Variants in TMEM178B observed in about 807,000 individuals in gnomAD.
TMEM178B encodes transmembrane protein 178B.
TMEM178B carries 5 observed loss-of-function variants against 31.0 expected under a neutral mutation model. The observed-to-expected ratio is 0.16, with a 90% CI of 0.08 to 0.34. The LOEUF (loss-of-function observed/expected upper bound fraction) is 0.34, where lower values mean the gene tolerates loss of function less well. TMEM178B is among the 10% of genes least tolerant of loss of function. The pLI, the probability that TMEM178B is intolerant of heterozygous loss-of-function variation, is 1.00. For missense variants in TMEM178B, 275 were observed against 400.3 expected (o/e 0.69, Z 2.67); for synonymous variants, 164 against 164.0 (o/e 1.00, Z 0.00).
At chr7:141,482,926 G>T (rs1222427314), downstream of TMEM178B, among the ~76,000 whole-genome samples, 1 of 146,104 alleles carries the variant, frequency 6.8e-6, no homozygotes, top group Non-Finnish European at 1.5e-5. Context: ...GGGGGGCGGT[G>T]GGGGGGTGGT....
chr7:141,188,880 A>T (rs1189703025), intron 1 of TMEM178B, among the ~76,000 whole-genome samples: 1 of 152,236 alleles, frequency 6.6e-6, no homozygotes, highest in African/African-American at 2.4e-5. Context: ...AACCCTGAAA[A>T]GAGCCAGCGT....
At chr7:141,172,094 A>C (rs1358186800) in intron 1 of TMEM178B, among the ~76,000 whole-genome samples, 1 of 152,200 alleles carries the variant, frequency 6.6e-6, no homozygotes, top group Non-Finnish European at 1.5e-5. Flanking sequence ...AGATGAGGAA[A>C]CTGAGGCATA....
chr7:141,416,589 A>C (rs1186541854), intron 2 of TMEM178B, among the ~76,000 whole-genome samples: 2 of 152,248 alleles, frequency 1.3e-5, no homozygotes, highest in African/African-American at 4.8e-5. Flanking sequence ...CTTGGAGGTA[A>C]ATCAAACACA....
At chr7:141,416,069 G>A (rs1801090393) in intron 2 of TMEM178B, 1 of 152,708 alleles carries the variant, frequency 6.5e-6, no homozygotes, top group Admixed American at 6.5e-5. Flanking sequence ...GAGCCAGAAG[G>A]AGCCAGGTTT....
At chr7:141,100,168 T>A (rs367690413) in intron 1 of TMEM178B, among the ~76,000 whole-genome samples, 52 of 152,124 alleles carry the variant, frequency 3.4e-4, no homozygotes, top group African/African-American at 1.3e-3. Flanking sequence ...CTGGGCAGTT[T>A]TAGAATAAGC....
chr7:141,479,567 AC>A lies in TMEM178B; in HGVS notation c.*8785del, dbSNP rs1451665033. 6.6e-6 allele frequency: 1 copy of A among 152,186 alleles called. No homozygotes were observed. Among genetic ancestry groups the A allele is most frequent in the Non-Finnish European group, 1.5e-5 (1 of 68,034 alleles). 9.4% of individuals were successfully genotyped at this position (152,186 alleles called of 1,614,324 possible). ...GAACAGAATAAAATGCAAGGAGCCA[AC>A]CCCTGGGTATTCTCAAAGCATTTCA... On this transcript the variant is annotated 3_prime_UTR_variant, in exon 4 of 4. Coordinates refer to ENST00000565468, the MANE Select transcript of TMEM178B (RefSeq NM_001195278.2).
chr7:141,227,197 C>G (rs1198322488), intron 2 of TMEM178B, among the ~76,000 whole-genome samples: 2 of 152,210 alleles, frequency 1.3e-5, no homozygotes, highest in Admixed American at 1.3e-4. Flanking sequence ...AAACAAAATG[C>G]TTTTGGCTGC....
intron 1 of TMEM178B, among the ~76,000 whole-genome samples, chr7:141,210,919 T>G (rs1797043285): frequency 1.3e-5 from 2 of 152,126 alleles, no homozygotes; most frequent in Non-Finnish European, 2.9e-5. Flanking sequence ...CAGCTGGATG[T>G]CAGGAAGGCA....
At chr7:141,270,803 A>G (rs1798169617) in intron 2 of TMEM178B, among the ~76,000 whole-genome samples, 1 of 152,192 alleles carries the variant, frequency 6.6e-6, no homozygotes. Flanking sequence ...AGAAAAGAAA[A>G]TGCCACTGCA....
chr7:141,171,031 C>T lies in TMEM178B; in HGVS notation c.383-41560C>T, dbSNP rs1162718565. Among the ~76,000 whole-genome samples, 2 of 16,426 alleles carry T rather than the reference C, an allele frequency of 1.2e-4. No homozygotes were observed. Among genetic ancestry groups the T allele is most frequent in the Non-Finnish European group, 3.3e-4 (2 of 5,992 alleles). 10.8% of individuals were successfully genotyped at this position (16,426 alleles called of 152,430 possible). A position where few individuals can be genotyped will look rare whatever the true frequency, so the allele number is the denominator to read the frequency against. ...TCACACACACATACACACACACACA[C>T]ACACACACACACACACACACACACA... On this transcript the variant is annotated intron_variant, in intron 1 of 3. Transcript: ENST00000565468. This position sits in a 1 kb window ranked among gnomAD's most constrained non-coding sequence, Gnocchi z 4.3.
At chr7:141,319,906 A>G (rs1162171539) in intron 2 of TMEM178B, among the ~76,000 whole-genome samples, 1 of 152,190 alleles carries the variant, frequency 6.6e-6, no homozygotes, top group Non-Finnish European at 1.5e-5. Context: ...AAGGGGATGT[A>G]CTAAACCTGA....
At chr7:141,505,443 G>C in the TMEM178B span, among the ~76,000 whole-genome samples, 3 of 152,170 alleles carry the variant, frequency 2.0e-5, no homozygotes, top group Admixed American at 6.5e-5. Context: ...ATGAGTCCTC[G>C]CTACACTGAA....
rs577055723 is a variant in TMEM178B, at chr7:141,471,330, G to C, written c.*544G>C. 6.6e-6 allele frequency: 1 copy of C among 152,314 alleles called. No individual in the cohort carries two copies. The highest frequency in any genetic ancestry group is 2.4e-5 in the African/African-American group (1 of 41,564). The allele number at this position is 152,314 out of a possible 1,614,324, so 9.4% of individuals were successfully genotyped here. On this transcript the variant is annotated 3_prime_UTR_variant, in exon 4 of 4. Transcript: ENST00000565468. This position sits in a 1 kb window ranked among gnomAD's most constrained non-coding sequence, Gnocchi z 4.1. ...AGTGGAAGAGAAAACAAACTGAGAA[G>C]GACGTTTTCTCTTTGCTGCCAAACT... is the stretch of plus-strand genomic sequence containing the variant.
At chr7:141,098,521 C>G (rs1257510046) in intron 1 of TMEM178B, among the ~76,000 whole-genome samples, 1 of 152,218 alleles carries the variant, frequency 6.6e-6, no homozygotes, top group African/African-American at 2.4e-5. Flanking sequence ...TGAAGTTATA[C>G]TGCCTTCAGA....
intron 2 of TMEM178B, among the ~76,000 whole-genome samples, chr7:141,280,260 C>T (rs1016584622): frequency 1.3e-5 from 2 of 152,006 alleles, no homozygotes; most frequent in African/African-American, 4.8e-5. Flanking sequence ...ACTACCCAAA[C>T]AGGTCAGAAG....
the TMEM178B span, among the ~76,000 whole-genome samples, chr7:141,492,556 A>G: frequency 6.6e-6 from 1 of 152,230 alleles, no homozygotes; most frequent in Non-Finnish European, 1.5e-5. Flanking sequence ...GAAGGAGGTC[A>G]GCACCTACTA....
intron 1 of TMEM178B, among the ~76,000 whole-genome samples, chr7:141,199,512 G>T (rs1247597515): frequency 2.0e-5 from 3 of 152,186 alleles, no homozygotes; most frequent in African/African-American, 7.2e-5. Context: ...CCAGTGGGGA[G>T]GCTGCTTCTC....
chr7:141,213,864 G>A (rs1797087210), intron 2 of TMEM178B, among the ~76,000 whole-genome samples: 1 of 152,124 alleles, frequency 6.6e-6, no homozygotes, highest in Non-Finnish European at 1.5e-5. Context: ...AAATACTCCT[G>A]GCCTGAAATG....
At chr7:141,130,096 A>G (rs1372003182) in intron 1 of TMEM178B, among the ~76,000 whole-genome samples, 5 of 152,158 alleles carry the variant, frequency 3.3e-5, no homozygotes, top group African/African-American at 1.2e-4. Context: ...TAATCTCTTC[A>G]GGATTTGGAG....
Sources: allele counts gnomAD v4.1 joint callset (sites outside exome capture counted in the v4.1 genomes callset), GRCh38; gene constraint gnomAD v4.1.1; non-coding constraint Gnocchi (gnomAD v3.1); transcripts MANE v1.5; gene names NCBI Gene and HGNC (gene_info 2026-07-23, HGNC 2026-07-21).